The following SLC68A1 variants were observed in gnomAD, a reference collection of about 807,000 sequenced individuals.
SLC68A1 encodes the protein major facilitator superfamily domain containing 13A.
chr10:102,461,443 C>G, the SLC68A1 span: 1 of 152,378 alleles, frequency 6.6e-6, no homozygotes, highest in African/African-American at 2.4e-5. Context: ...TCGCCGGCTA[C>G]GATTGCGGTG....
chr10:102,472,137 T>C, the SLC68A1 span: 1 of 408,346 alleles, frequency 2.4e-6, no homozygotes, highest in Non-Finnish European at 5.0e-6. Context: ...CACTCCAGCC[T>C]GGGCGGCAGA....
the SLC68A1 span, chr10:102,476,741 C>T: frequency 1.0e-6 from 1 of 986,184 alleles, no homozygotes. Flanking sequence ...CTGTGGTGCA[C>T]ACAGGCCTGC....
At chr10:102,469,211 TG>T in the SLC68A1 span, 1 of 1,612,180 alleles carries the variant, frequency 6.2e-7, no homozygotes, top group East Asian at 2.2e-5. Flanking sequence ...GGGCCAGTGC[TG>T]GGTGGCTAAC....
the SLC68A1 span, chr10:102,468,467 T>C: frequency 6.5e-6 from 1 of 152,708 alleles, no homozygotes; most frequent in Non-Finnish European, 1.5e-5. Flanking sequence ...GGTCAGGAGA[T>C]CGAGACCATC....
chr10:102,473,541 A>G, the SLC68A1 span: 3 of 1,569,112 alleles, frequency 1.9e-6, no homozygotes, highest in Non-Finnish European at 2.6e-6. Context: ...AGTGCCCTTG[A>G]CAAGGTGGCT....
At chr10:102,467,329 C>A in the SLC68A1 span, among the ~76,000 whole-genome samples, 5 of 152,214 alleles carry the variant, frequency 3.3e-5, no homozygotes, top group African/African-American at 1.2e-4. Flanking sequence ...AGCCACTCCG[C>A]CCAGCCCCAT....
the SLC68A1 span, chr10:102,468,949 C>T: frequency 3.6e-5 from 46 of 1,282,828 alleles, no homozygotes; most frequent in Non-Finnish European, 4.6e-5. Flanking sequence ...GTTCCTTCTT[C>T]CCCAGGGACG....
At chr10:102,470,875 C>T in the SLC68A1 span, 1 of 1,613,274 alleles carries the variant, frequency 6.2e-7, no homozygotes, top group Non-Finnish European at 8.5e-7. Context: ...ACCTGGCCCT[C>T]TCAGCCCACG....
the SLC68A1 span, chr10:102,476,615 GTC>G: frequency 1.6e-5 from 16 of 985,950 alleles, no homozygotes; most frequent in African/African-American, 2.8e-4. Flanking sequence ...TGCAGTGAAA[GTC>G]TCTGCTTACC....
At chr10:102,472,205 T>C in the SLC68A1 span, 1 of 315,662 alleles carries the variant, frequency 3.2e-6, no homozygotes, top group Non-Finnish European at 6.2e-6. Flanking sequence ...ACATGCAGTA[T>C]ATAAACTGGC....
At chr10:102,472,830 C>T in the SLC68A1 span, 1 of 1,599,810 alleles carries the variant, frequency 6.3e-7, no homozygotes, top group African/African-American at 1.3e-5. Flanking sequence ...TGGAAGCCTC[C>T]TCACCATCCC....
the SLC68A1 span, among the ~76,000 whole-genome samples, chr10:102,468,135 A>T: frequency 2.6e-5 from 4 of 151,974 alleles, no homozygotes; most frequent in African/African-American, 9.7e-5. Flanking sequence ...CCCTGATTCC[A>T]TATCATTTAA....
the SLC68A1 span, chr10:102,469,016 C>T: frequency 6.2e-7 from 1 of 1,607,862 alleles, no homozygotes; most frequent in Non-Finnish European, 8.5e-7. Context: ...GGGGCTAAGG[C>T]TGGGGCTGCA....
chr10:102,467,676 G>A, the SLC68A1 span, among the ~76,000 whole-genome samples: 71,821 of 151,748 alleles, frequency 0.47, 17,617 homozygotes, highest in Middle Eastern at 0.62. Context: ...TTCTTTTTGA[G>A]ACTGAGTTTC....
At chr10:102,474,584 G>A in the SLC68A1 span, among the ~76,000 whole-genome samples, 2 of 152,174 alleles carry the variant, frequency 1.3e-5, no homozygotes, top group South Asian at 2.1e-4. Context: ...CTGGAAAAGC[G>A]AAGAGGACTT....
the SLC68A1 span, among the ~76,000 whole-genome samples, chr10:102,464,057 G>C: frequency 1.3e-5 from 2 of 152,158 alleles, no homozygotes; most frequent in Admixed American, 1.3e-4. Flanking sequence ...TGTTGCCCCA[G>C]CTGGTCTCTA....
chr10:102,476,940 G>C, the SLC68A1 span: 1 of 985,740 alleles, frequency 1.0e-6, no homozygotes, highest in African/African-American at 1.7e-5. Flanking sequence ...AGCTGTGCTT[G>C]AAGTGGCATG....
chr10:102,470,734 G>A, the SLC68A1 span: 887 of 1,613,642 alleles, frequency 5.5e-4, 3 homozygotes, highest in African/African-American at 0.011. Flanking sequence ...GGCATGGGCC[G>A]CTGCTGGCGC....
chr10:102,474,117 G>C, the SLC68A1 span: 1 of 1,238,308 alleles, frequency 8.1e-7, no homozygotes, highest in Non-Finnish European at 1.1e-6. Flanking sequence ...ACGGAAGGTG[G>C]CAACTGGCGT....
Sources: allele counts gnomAD v4.1 joint callset (sites outside exome capture counted in the v4.1 genomes callset), GRCh38; gene constraint gnomAD v4.1.1; transcripts MANE v1.5; gene names NCBI Gene and HGNC (gene_info 2026-07-23, HGNC 2026-07-21).